Variants in SEPHS1 observed in about 807,000 individuals in gnomAD.
SEPHS1 encodes selenophosphate synthetase 1.
In SEPHS1, 7 loss-of-function variants were observed where a neutral mutation model predicts 39.2. That is an observed-to-expected ratio of 0.18 (90% CI 0.10 to 0.34). SEPHS1 has a LOEUF of 0.34. SEPHS1 is among the 10% of genes least tolerant of loss of function. SEPHS1 has a pLI of 1.00. For synonymous variants in SEPHS1, 190 were observed against 195.5 expected, an observed-to-expected ratio of 0.97 and a Z score of 0.23; for missense variants, 253 against 514.5, an observed-to-expected ratio of 0.49 and a Z score of 4.92.
At chr10:13,321,803 G>T (rs181273221) in intron 8 of SEPHS1, among the ~76,000 whole-genome samples, 1 of 152,222 alleles carries the variant, frequency 6.6e-6, no homozygotes. Context: ...CTCGGCGGCC[G>T]GCAGGCCATG....
intron 8 of SEPHS1, among the ~76,000 whole-genome samples, chr10:13,321,635 G>A (rs999201057): frequency 7.9e-5 from 12 of 152,158 alleles, no homozygotes; most frequent in Admixed American, 7.9e-4. Context: ...GAAAAAAAGG[G>A]AAAAACAGGG....
chr10:13,327,553 G>GA (rs1198968615), intron 7 of SEPHS1, among the ~76,000 whole-genome samples: 3 of 152,096 alleles, frequency 2.0e-5, no homozygotes, highest in African/African-American at 7.2e-5. Flanking sequence ...TTTTATAGTA[G>GA]AAAAAATGTA....
intron 8 of SEPHS1, 54 bp downstream of exon 8, chr10:13,322,781 G>T: frequency 6.5e-7 from 1 of 1,547,898 alleles, no homozygotes. Context: ...CTTTCTCGCT[G>T]AGCTTTCTGT....
Position 13,317,766 on chromosome 10 carries a change from T to A in SEPHS1, c.*1376A>T, listed in dbSNP as rs1234086927. ...AGCACCAGAAATGGGCAGGATGTGC[T>A]GCTTTTTCTCTCACGAAGATGGGCA... On this transcript the variant is annotated 3_prime_UTR_variant, in exon 9 of 9. Transcript: ENST00000327347. 6.6e-6 allele frequency: 1 copy of A among 152,236 alleles called. No homozygotes were observed. Among genetic ancestry groups the A allele is most frequent in the Non-Finnish European group, 1.5e-5 (1 of 68,054 alleles). The allele number at this position is 152,236 out of a possible 1,614,324, so 9.4% of individuals were successfully genotyped here. A position where few individuals can be genotyped will look rare whatever the true frequency, so the allele number is the denominator to read the frequency against.
rs925487659 is a variant in SEPHS1 at position 13,328,437 on chromosome 10, T to C, written c.665A>G (p.Asn222Ser). Residue 222 changes from asparagine (N) to serine (S), a missense_variant, in exon 7 of 9, where the codon AAT (asparagine) becomes AGT (serine). Around this residue, in one of 4 missense-constraint regions of SEPHS1, gnomAD observed 107 missense variants for 257.1 expected, o/e 0.42. Coordinates refer to ENST00000327347, the MANE Select transcript of SEPHS1 (RefSeq NM_012247.5). ...HQWLDIPEKWNKIKLVVTQED... is the reference protein window; with the variant it reads ...HQWLDIPEKWSKIKLVVTQED... Reference sequence around the variant, plus strand: ...TTGGGTGACCACTAGTTTAATCTTATTCCATTTCTCAGGCTGATAATAGAA... The same window carrying C: ...TTGGGTGACCACTAGTTTAATCTTACTCCATTTCTCAGGCTGATAATAGAA... 2.5e-6 allele frequency: 4 copies of C among 1,609,928 alleles called. No individual in the cohort carries two copies. The highest frequency in any genetic ancestry group is 1.7e-5 in the Admixed American group (1 of 59,888).
chr10:13,347,254 T>G (rs1833949976), intron 1 of SEPHS1: 1 of 151,296 alleles, frequency 6.6e-6, no homozygotes, highest in East Asian at 2.0e-4. Context: ...CCCGGCGCGC[T>G]GCCCCGCCAA....
Position 13,333,852 on chromosome 10 carries a change from C to G in SEPHS1, c.525G>C (p.Val175=), listed in dbSNP as rs747241379. The change falls in exon 5 of 9, where the codon GTG becomes GTC. Residue 175 remains valine (V), a synonymous_variant. Coordinates refer to ENST00000327347, the MANE Select transcript of SEPHS1 (RefSeq NM_012247.5). ...VLNPWIVLGG[V]ATTVCQPNEF... is the part of the protein sequence containing the mutation. ...CATTGGGTTGGCAGACAGTGGTAGC[C>G]ACTCCTCCCAGGACAATCCAGGGGT... is the stretch of plus-strand genomic sequence containing the variant. The G allele has an allele frequency of 3.7e-6, 6 of 1,613,936 alleles. No individual in the cohort carries two copies. The South Asian group carries it at 5.5e-5, about 15-fold the overall frequency.
intron 2 of SEPHS1, 73 bp from the exon 3 acceptor site, chr10:13,338,881 T>C (rs1564451654): frequency 2.7e-6 from 3 of 1,091,032 alleles, no homozygotes; most frequent in Non-Finnish European, 4.3e-6. Flanking sequence ...ACCAGTGCTC[T>C]GAACAGGAAG....
At chr10:13,333,720 G>T (rs778926398) in intron 5 of SEPHS1, 97 bp downstream of exon 5, 27 of 1,270,666 alleles carry the variant, frequency 2.1e-5, no homozygotes, top group Non-Finnish European at 3.0e-5. Flanking sequence ...GATCATATGT[G>T]TGAGCCACTG....
At chr10:13,333,737 A>G in intron 5 of SEPHS1, 80 bp downstream of exon 5, 1 of 1,454,974 alleles carries the variant, frequency 6.9e-7, no homozygotes, top group Non-Finnish European at 9.5e-7. Flanking sequence ...ACTGCACCTG[A>G]CCTTAATACA....
chr10:13,321,337 C>T (rs945311823), intron 8 of SEPHS1, among the ~76,000 whole-genome samples: 1 of 152,138 alleles, frequency 6.6e-6, no homozygotes, highest in Admixed American at 6.5e-5. Flanking sequence ...ACCTGTGCCT[C>T]CTGGGTTCAA....
intron 7 of SEPHS1, among the ~76,000 whole-genome samples, chr10:13,324,592 C>T (rs186303806): frequency 1.6e-3 from 245 of 152,308 alleles, no homozygotes; most frequent in Admixed American, 2.9e-3. Flanking sequence ...ACATCCTTGC[C>T]AGCAGTTGGT....
chr10:13,325,946 C>CAA (rs201372928), intron 7 of SEPHS1, among the ~76,000 whole-genome samples: 86 of 34,308 alleles, frequency 2.5e-3, no homozygotes, highest in African/African-American at 0.014. Flanking sequence ...GACTCAGTCT[C>CAA]AAAAAAAAAA....
rs1044032318 is a variant in SEPHS1, at chr10:13,328,207, C to T, written c.751+144G>A. ...ACCATCTGCAGTGATCTATGGAATG[C>T]CAACCTGGTACCAGGAGAAGACGGT... On this transcript the variant is annotated intron_variant, in intron 7 of 8. Coordinates refer to ENST00000327347, the MANE Select transcript of SEPHS1 (RefSeq NM_012247.5). The T allele has an allele frequency of 3.7e-5, 22 of 592,106 alleles. No homozygotes were observed. The East Asian group carries it at 6.3e-4, about 17-fold the overall frequency. 36.7% of individuals were successfully genotyped at this position (592,106 alleles called of 1,614,324 possible). A position where few individuals can be genotyped will look rare whatever the true frequency, so the allele number is the denominator to read the frequency against.
At chr10:13,329,301 T>C (rs1404736058) in intron 6 of SEPHS1, among the ~76,000 whole-genome samples, 6 of 152,164 alleles carry the variant, frequency 3.9e-5, no homozygotes. Context: ...AAAAACTGCA[T>C]AAAACAATTT....
Position 13,329,704 on chromosome 10 carries a change from C to T in SEPHS1, c.645G>A (p.Leu215=), listed in dbSNP as rs767094906. The part of the protein sequence containing the change: ...TQVAVAVHQW[L]DIPEKWNKIK... ...ACAGCAGTGGTTTACTCACGATATCCAGCCACTGGTGCACAGCCACTGCCA... is the reference window on the plus strand; with the variant it reads ...ACAGCAGTGGTTTACTCACGATATCTAGCCACTGGTGCACAGCCACTGCCA... Residue 215 remains leucine (L), a synonymous_variant, in exon 6 of 9, where the codon CTG becomes CTA. Transcript: ENST00000327347. 24 of 1,602,784 alleles carry T rather than the reference C, an allele frequency of 1.5e-5. No homozygotes were observed. Among genetic ancestry groups the T allele is most frequent in the Non-Finnish European group, 2.0e-5 (24 of 1,175,000 alleles).
At chr10:13,326,605 G>C (rs1021643044) in intron 7 of SEPHS1, among the ~76,000 whole-genome samples, 5 of 151,310 alleles carry the variant, frequency 3.3e-5, no homozygotes, top group African/African-American at 9.7e-5. Flanking sequence ...TGAAGCGTAG[G>C]GGTATGATCA....
At chr10:13,336,372 A>G in intron 3 of SEPHS1, 22 bp from the exon 4 acceptor site, 1 of 1,570,950 alleles carries the variant, frequency 6.4e-7, no homozygotes, top group Non-Finnish European at 8.8e-7. Context: ...GGGAAACATG[A>G]GAAAGGACGA....
At chr10:13,331,028 C>T (rs1376488939) in intron 5 of SEPHS1, among the ~76,000 whole-genome samples, 1 of 152,108 alleles carries the variant, frequency 6.6e-6, no homozygotes, top group Non-Finnish European at 1.5e-5. Flanking sequence ...TGTTACCCGC[C>T]CTGTGTCCAA....
Sources: allele counts gnomAD v4.1 joint callset (sites outside exome capture counted in the v4.1 genomes callset), GRCh38; gene constraint gnomAD v4.1.1; regional missense constraint gnomAD v4.1.1; transcripts MANE v1.5; gene names NCBI Gene and HGNC (gene_info 2026-07-23, HGNC 2026-07-21).